The following CCHCR1 variants were observed in gnomAD, a reference collection of about 807,000 sequenced individuals.
CCHCR1 encodes coiled-coil alpha-helical rod protein 1.
A neutral mutation model predicts 114.6 loss-of-function variants in CCHCR1; 91 were observed. The ratio of observed to expected loss-of-function variants is 0.79; its 90% CI spans 0.67 to 0.94. The LOEUF is 0.94. Ranked by LOEUF, CCHCR1 falls within the 40% of genes least tolerant of loss-of-function variation. The probability of loss-of-function intolerance (pLI) is 0.00; values close to 1 mark genes in which losing one functional copy is unlikely to be tolerated. For missense variants in CCHCR1, 899 were observed against 1,079.9 expected (o/e 0.83, Z 2.35); for synonymous variants, 379 against 428.5 (o/e 0.88, Z 1.43).
Position 31,157,446 on chromosome 6 carries a change from C to A in CCHCR1, c.155G>T (p.Cys52Phe). The A allele has an allele frequency of 6.2e-7, 1 of 1,613,068 alleles. No individual in the cohort carries two copies. Among genetic ancestry groups the A allele is most frequent in the Non-Finnish European group, 8.5e-7 (1 of 1,180,044 alleles). Residue 52 changes from cysteine to phenylalanine, a missense_variant, in exon 1 of 18, where the codon TGT becomes TTT. Coordinates refer to ENST00000396268, the MANE Select transcript of CCHCR1 (RefSeq NM_001105564.2). Reference sequence around the variant, plus strand: ...GGCCAGAGGTGAGAAAGGAGGTACACAGTGCAGGGGTCTTGAGCGCCATCT... The same window carrying A: ...GGCCAGAGGTGAGAAAGGAGGTACAAAGTGCAGGGGTCTTGAGCGCCATCT... The part of the protein sequence containing the change: ...LWRWRSRPLH[C>F]VPPFSPLARS...
rs1775222160 is a variant in CCHCR1, at chr6:31,151,517, AGGCTCTCCCACTGCTCCCCGCTCC to A, written c.802-419_802-396del. Among the ~76,000 whole-genome samples the A allele has an allele frequency of 6.6e-6, 1 of 152,230 alleles. No individual in the cohort carries two copies. Among genetic ancestry groups the A allele is most frequent in the East Asian group, 1.9e-4 (1 of 5,174 alleles). ...TGCCTACCTCCTGAGCTCACCCTGGAGGCTCTCCCACTGCTCCCCGCTCCGGCCACGGGGAGTCTGCTGAGAACC... is the reference window on the plus strand; with the variant it reads ...TGCCTACCTCCTGAGCTCACCCTGGAGGCCACGGGGAGTCTGCTGAGAACC... On this transcript the variant is annotated intron_variant, in intron 4 of 17. Transcript: ENST00000396268. This position sits in a 1 kb window ranked among gnomAD's most constrained non-coding sequence, Gnocchi z 4.1.
rs1200092574 is a variant in CCHCR1, at chr6:31,156,839, G to A, written c.389C>T (p.Pro130Leu). 1 of 1,612,950 alleles carries A rather than the reference G, an allele frequency of 6.2e-7. No homozygotes were observed. Among genetic ancestry groups the A allele is most frequent in the Non-Finnish European group, 8.5e-7 (1 of 1,180,008 alleles). ...WLSDIPLVQP[P>L]GHQDVSERRL... ...CCTCTCTGAGACATCTTGATGGCCT[G>A]GGGGTTGGACCAGGGGAATGTCTGA... The change falls in exon 3 of 18, where the codon CCA becomes CTA. Residue 130 changes from proline (P) to leucine (L), a missense_variant. Physicochemically the swap from Pro to Leu is moderately conservative, Grantham distance 98. Transcript: ENST00000396268.
Position 31,142,468 on chromosome 6 carries a change from G to T in CCHCR1, c.*124C>A. 1.3e-6 allele frequency: 1 copy of T among 790,592 alleles called. No individual in the cohort carries two copies. Among genetic ancestry groups the T allele is most frequent in the Non-Finnish European group, 2.0e-6 (1 of 492,484 alleles). The allele number at this position is 790,592 out of a possible 1,614,324, so 49.0% of individuals were successfully genotyped here. A position where few individuals can be genotyped will look rare whatever the true frequency, so the allele number is the denominator to read the frequency against. On this transcript the variant is annotated 3_prime_UTR_variant, in exon 18 of 18. Transcript: ENST00000396268. ...TCTGTAGTCGTCTTTATTTAGAGCA[G>T]AATTCAGACTCAGCTGGTATCCCCC...
At chr6:31,152,391 T>C (rs941510812) in intron 4 of CCHCR1, among the ~76,000 whole-genome samples, 10 of 151,822 alleles carry the variant, frequency 6.6e-5, no homozygotes, top group African/African-American at 2.4e-4. Flanking sequence ...TAGACTGGAG[T>C]GCAATGGCAC....
At position 31,154,442 on chromosome 6, in the gene CCHCR1, G is replaced by A. The variant is rs1775694988; in HGVS notation, c.801+54C>T. The stretch of plus-strand genomic sequence containing the variant: ...TGCAATACCTGTTCTTTGCTTGGAA[G>A]CTACTGCCCAGCTCTCCGTTATGAA... On this transcript the variant is annotated intron_variant, in intron 4 of 17. Coordinates refer to ENST00000396268, the MANE Select transcript of CCHCR1 (RefSeq NM_001105564.2). This position sits in a 1 kb window ranked among gnomAD's most constrained non-coding sequence, Gnocchi z 4.1. The A allele has an allele frequency of 7.7e-6, 11 of 1,422,652 alleles. No individual in the cohort carries two copies. In the East Asian group the frequency reaches 2.3e-4, roughly 30 times the overall value. 88.1% of individuals were successfully genotyped at this position (1,422,652 alleles called of 1,614,324 possible). A position where few individuals can be genotyped will look rare whatever the true frequency, so the allele number is the denominator to read the frequency against.
At chr6:31,156,263 T>A (rs1254965560) in intron 3 of CCHCR1, 1 of 159,422 alleles carries the variant, frequency 6.3e-6, no homozygotes, top group Non-Finnish European at 1.4e-5. Flanking sequence ...AATGGCAGAA[T>A]GATATCCCAG....
rs752914283 is a variant in CCHCR1, at chr6:31,148,520, G to T, written c.1474-9C>A. The T allele has an allele frequency of 6.2e-7, 1 of 1,608,090 alleles. No homozygotes were observed. Among genetic ancestry groups the T allele is most frequent in the Non-Finnish European group, 8.5e-7 (1 of 1,175,662 alleles). On this transcript the variant is annotated splice_polypyrimidine_tract_variant and intron_variant, in intron 9 of 17. Transcript: ENST00000396268. ...AGCTCCAACTGCAGGCCCTGGGGAG[G>T]ATGCAGCAAAGGACAGGGTCCCTCC...
chr6:31,157,002 C>T, intron 2 of CCHCR1, 21 bp downstream of exon 2: 4 of 1,611,100 alleles, frequency 2.5e-6, no homozygotes, highest in Non-Finnish European at 3.4e-6. Context: ...ACCACCACTC[C>T]CCTTGTCTGG....
At position 31,145,503 on chromosome 6, in the gene CCHCR1, A is replaced by G. The variant is rs1210514030; in HGVS notation, c.1694-10T>C. ...TTTCGAGCAATCAGGCCTGGAGGGG[A>G]AAAAGCAGGGAGAAAAAGAGATGAA... is the stretch of plus-strand genomic sequence containing the variant. On this transcript the variant is annotated splice_polypyrimidine_tract_variant and intron_variant, in intron 11 of 17. Transcript: ENST00000396268. The G allele has an allele frequency of 6.2e-7, 1 of 1,611,818 alleles. No homozygotes were observed. Among genetic ancestry groups the G allele is most frequent in the Non-Finnish European group, 8.5e-7 (1 of 1,179,140 alleles).
In CCHCR1 at chr6:31,157,623, A is replaced by C; in HGVS notation, c.-23T>G. ...CATGCAGGGCTAGACCCTCCCCAAG[A>C]CCTTGGGAATCCAGGCCGCCTAGAT... On this transcript the variant is annotated 5_prime_UTR_variant, in exon 1 of 18. Coordinates refer to ENST00000396268, the MANE Select transcript of CCHCR1 (RefSeq NM_001105564.2). The C allele has an allele frequency of 1.9e-6, 3 of 1,585,560 alleles. No homozygotes were observed. The highest frequency in any genetic ancestry group is 2.2e-5 in the South Asian group (2 of 89,028).
In CCHCR1 at chr6:31,143,301, C is replaced by G; in HGVS notation, c.2280G>C (p.Arg760=). The change falls in exon 16 of 18, where the codon CGG becomes CGC. Residue 760 remains arginine (R), a synonymous_variant. Coordinates refer to ENST00000396268, the MANE Select transcript of CCHCR1 (RefSeq NM_001105564.2). The surrounding 1 kb of genome is among the most constrained non-coding windows in gnomAD (Gnocchi z 5.3). ...ARKEEGQRLA[R]RLQELERDKN... The stretch of plus-strand genomic sequence containing the variant: ...TATCCCTCTCTAGCTCCTGCAAGCG[C>G]CGGGCCAGTCGCTGCCCCTCCTCCT... 6.2e-7 allele frequency: 1 copy of G among 1,612,848 alleles called. No individual in the cohort carries two copies. Among genetic ancestry groups the G allele is most frequent in the Non-Finnish European group, 8.5e-7 (1 of 1,180,016 alleles).
In CCHCR1 at chr6:31,156,813, G is replaced by A. The variant is rs774286953; in HGVS notation, c.415C>T (p.Arg139Trp). The A allele has an allele frequency of 3.7e-6, 6 of 1,612,690 alleles. No homozygotes were observed. Among genetic ancestry groups the A allele is most frequent in the African/African-American group, 2.7e-5 (2 of 74,874 alleles). ...PPGHQDVSER[R>W]LDTQRPQVTM... is the part of the protein sequence containing the mutation. ...ACTTGAGGTCTCTGGGTGTCTAGCC[G>A]CCTCTCTGAGACATCTTGATGGCCT... is the stretch of plus-strand genomic sequence containing the variant. The change falls in exon 3 of 18, where the codon CGG becomes TGG. Residue 139 changes from arginine to tryptophan, a missense_variant. By Grantham distance (101) the Arg-to-Trp change is moderately radical. Coordinates refer to ENST00000396268, the MANE Select transcript of CCHCR1 (RefSeq NM_001105564.2).
chr6:31,150,570 G>C lies in CCHCR1; in HGVS notation c.1102-5C>G. On this transcript the variant is annotated splice_polypyrimidine_tract_variant and splice_region_variant and intron_variant, in intron 6 of 17. Coordinates refer to ENST00000396268, the MANE Select transcript of CCHCR1 (RefSeq NM_001105564.2). The surrounding 1 kb of genome is among the most constrained non-coding windows in gnomAD (Gnocchi z 5.3). ...GTCCCGGTCCTCCTGCAAGTGCTGC[G>C]GGCAGAGGAAAGCAGCCCCTCTGTA... is the stretch of plus-strand genomic sequence containing the variant. The C allele has an allele frequency of 1.2e-6, 2 of 1,608,662 alleles. No individual in the cohort carries two copies. Among genetic ancestry groups the C allele is most frequent in the South Asian group, 1.1e-5 (1 of 90,828 alleles).
rs781748900 is a variant in CCHCR1 at position 31,154,679 on chromosome 6, C to G, written c.618G>C (p.Gln206His). 6 of 1,611,260 alleles carry G rather than the reference C, an allele frequency of 3.7e-6. No individual in the cohort carries two copies. The South Asian group carries it at 6.6e-5, about 18-fold the overall frequency. Residue 206 changes from glutamine (Q) to histidine (H), a missense_variant, in exon 4 of 18, where the codon CAG (glutamine) becomes CAC (histidine). Gln to His is a conservative substitution (Grantham distance 24). Transcript: ENST00000396268. The surrounding 1 kb of genome is among the most constrained non-coding windows in gnomAD (Gnocchi z 4.1). ...CCTGGGCCTCTAGCCTCATCTTCTG[C>G]TGCAGCGAGGTCTCCCGCAGGAGCC... ...EVRLLRETSL[Q>H]QKMRLEAQAM...
intron 8 of CCHCR1, among the ~76,000 whole-genome samples, 156 bp downstream of exon 8, chr6:31,149,910 C>G (rs1023696433): frequency 6.6e-6 from 1 of 152,210 alleles, no homozygotes; most frequent in Non-Finnish European, 1.5e-5. Context: ...TTCTGTGTCT[C>G]TGTTCTAGAA....
In CCHCR1 at chr6:31,145,703, G is replaced by C; in HGVS notation, c.1686C>G (p.Thr562=). ...CGCAGTTGTCCTACGCACCCCGAATGGTGTGGACCTTGCGGACAGCATAGC... is the reference window on the plus strand; with the variant it reads ...CGCAGTTGTCCTACGCACCCCGAATCGTGTGGACCTTGCGGACAGCATAGC... ...RLSYAVRKVH[T]IRGLIARKLA... Residue 562 remains threonine, a synonymous_variant, in exon 11 of 18, where the codon ACC becomes ACG. Coordinates refer to ENST00000396268, the MANE Select transcript of CCHCR1 (RefSeq NM_001105564.2). The C allele has an allele frequency of 3.7e-6, 6 of 1,612,520 alleles. No individual in the cohort carries two copies. Among genetic ancestry groups the C allele is most frequent in the Non-Finnish European group, 5.1e-6 (6 of 1,178,590 alleles).
At chr6:31,149,976 A>C in intron 8 of CCHCR1, 90 bp downstream of exon 8, 1 of 1,434,236 alleles carries the variant, frequency 7.0e-7, no homozygotes, top group South Asian at 1.2e-5. Flanking sequence ...TGTGGCAACC[A>C]CTCAATAAAC....
Position 31,150,720 on chromosome 6 carries a change from C to T in CCHCR1, c.1101+5G>A, listed in dbSNP as rs781243160. On this transcript the variant is annotated splice_donor_5th_base_variant and intron_variant, in intron 6 of 17. Coordinates refer to ENST00000396268, the MANE Select transcript of CCHCR1 (RefSeq NM_001105564.2). This position sits in a 1 kb window ranked among gnomAD's most constrained non-coding sequence, Gnocchi z 5.3. Reference sequence around the variant, plus strand: ...CTGCACACAGATACATTCCTGCACCCTCACCTGCATGGTTTCCAGAAGCTT... The same window carrying T: ...CTGCACACAGATACATTCCTGCACCTTCACCTGCATGGTTTCCAGAAGCTT... The T allele has an allele frequency of 8.7e-6, 14 of 1,611,772 alleles. No homozygotes were observed. Among genetic ancestry groups the T allele is most frequent in the Non-Finnish European group, 1.2e-5 (14 of 1,179,364 alleles).
chr6:31,143,660 T>C lies in CCHCR1; in HGVS notation c.2168-247A>G, dbSNP rs1477221746. On this transcript the variant is annotated intron_variant, in intron 15 of 17. Coordinates refer to ENST00000396268, the MANE Select transcript of CCHCR1 (RefSeq NM_001105564.2). This position sits in a 1 kb window ranked among gnomAD's most constrained non-coding sequence, Gnocchi z 5.3. ...GAGTTCCTCAGGGGAAATCTGAACATGAACTGGGTTAGATTTTGTGCAATT... is the reference window on the plus strand; with the variant it reads ...GAGTTCCTCAGGGGAAATCTGAACACGAACTGGGTTAGATTTTGTGCAATT... 6.6e-6 allele frequency among the ~76,000 whole-genome samples: 1 copy of C among 152,206 alleles called. No individual in the cohort carries two copies. Among genetic ancestry groups the C allele is most frequent in the Non-Finnish European group, 1.5e-5 (1 of 68,034 alleles).
Sources: gnomAD v4.1 joint callset for allele counts (sites outside exome capture counted in the v4.1 genomes callset) on GRCh38, gnomAD v4.1.1 for gene constraint, Gnocchi (gnomAD v3.1) non-coding constraint, MANE v1.5 for transcripts, NCBI Gene and HGNC (gene_info 2026-07-23, HGNC 2026-07-21) for gene names.